The following DZIP1L variants were observed in gnomAD, a reference collection of about 807,000 sequenced individuals.
The protein encoded by DZIP1L is DAZ interacting zinc finger protein 1 like, also known as cilium assembly protein DZIP1L.
In DZIP1L, 90 loss-of-function variants were observed where a neutral mutation model predicts 88.7. The ratio of observed to expected loss-of-function variants is 1.02; its 90% confidence interval spans 0.86 to 1.21. The LOEUF (loss-of-function observed/expected upper bound fraction) is 1.21. DZIP1L is among the 50% of genes most tolerant of loss of function. The pLI, the probability that DZIP1L is intolerant of heterozygous loss-of-function variation, is 0.00. For missense variants in DZIP1L, 932 were observed against 955.8 expected (o/e 0.98, Z 0.33); for synonymous variants, 363 against 372.1 (o/e 0.98, Z 0.28).
At chr3:138,076,159 G>C (rs1943397834) in intron 11 of DZIP1L, among the ~76,000 whole-genome samples, 1 of 152,034 alleles carries the variant, frequency 6.6e-6, no homozygotes, top group Non-Finnish European at 1.5e-5. Flanking sequence ...CCCAGAGTGG[G>C]GATGGTCAGC....
chr3:138,065,266 T>C (rs1942844602), intron 14 of DZIP1L, among the ~76,000 whole-genome samples: 1 of 152,150 alleles, frequency 6.6e-6, no homozygotes, highest in Non-Finnish European at 1.5e-5. Context: ...ACCAAGGTAA[T>C]GTATGAACCT....
At chr3:138,103,449 C>G (rs747069206) in intron 2 of DZIP1L, 22 bp downstream of exon 2, 6 of 1,577,570 alleles carry the variant, frequency 3.8e-6, no homozygotes, top group Non-Finnish European at 5.2e-6. Context: ...CCCACTCTCC[C>G]TGCCTGGTGG....
chr3:138,109,908 A>G (rs1559868001), intron 1 of DZIP1L, among the ~76,000 whole-genome samples: 1 of 152,202 alleles, frequency 6.6e-6, no homozygotes. Context: ...GAGTTGAACA[A>G]TGAGAACACA....
At chr3:138,095,678 A>G (rs921942515) in intron 3 of DZIP1L, among the ~76,000 whole-genome samples, 6 of 152,140 alleles carry the variant, frequency 3.9e-5, no homozygotes, top group Admixed American at 1.3e-4. Context: ...GCTACTCAGG[A>G]GGCTGAGGCA....
At chr3:138,088,100 G>A (rs2107796025) in intron 6 of DZIP1L, among the ~76,000 whole-genome samples, 1 of 152,322 alleles carries the variant, frequency 6.6e-6, no homozygotes, top group East Asian at 1.9e-4. Context: ...TCTAAGAGTT[G>A]CTTCCAACTG....
At chr3:138,097,374 T>C (rs1046666003) in intron 3 of DZIP1L, among the ~76,000 whole-genome samples, 1 of 152,154 alleles carries the variant, frequency 6.6e-6, no homozygotes, top group African/African-American at 2.4e-5. Flanking sequence ...TTTAGGCTTA[T>C]TCGTGGCTGG....
chr3:138,108,174 G>A, intron 1 of DZIP1L: 1 of 984,788 alleles, frequency 1.0e-6, no homozygotes, highest in Admixed American at 6.1e-5. Context: ...GAGTAGAGAT[G>A]GGTGACATGA....
intron 13 of DZIP1L, 122 bp from the exon 14 acceptor site, chr3:138,067,822 G>A: frequency 8.4e-7 from 1 of 1,184,964 alleles, no homozygotes; most frequent in Non-Finnish European, 1.1e-6. Context: ...CCCTCCCTCA[G>A]GCCCAGAAGA....
chr3:138,106,177 C>T (rs1408528546), intron 1 of DZIP1L, among the ~76,000 whole-genome samples: 1 of 120,902 alleles, frequency 8.3e-6, no homozygotes, highest in East Asian at 2.6e-4. Context: ...CTCGCACTGT[C>T]GCCCAGGCTG....
At chr3:138,064,574 A>T (rs1255340739) in intron 15 of DZIP1L, 54 bp downstream of exon 15, 1 of 1,613,758 alleles carries the variant, frequency 6.2e-7, no homozygotes, top group African/African-American at 1.3e-5. Flanking sequence ...CCCCAAACTC[A>T]GAGCTGGTTC....
intron 11 of DZIP1L, among the ~76,000 whole-genome samples, chr3:138,076,374 G>A (rs1943406646): frequency 6.6e-6 from 1 of 152,144 alleles, no homozygotes; most frequent in African/African-American, 2.4e-5. Flanking sequence ...GAGCTAAAAG[G>A]AGATCTACCA....
intron 14 of DZIP1L, among the ~76,000 whole-genome samples, chr3:138,066,359 C>G (rs1942900052): frequency 1.3e-5 from 2 of 152,130 alleles, no homozygotes; most frequent in Admixed American, 6.5e-5. Flanking sequence ...TGCTAATGAA[C>G]TCAAACAGCA....
chr3:138,066,654 C>T (rs1358537963), intron 14 of DZIP1L, among the ~76,000 whole-genome samples: 2 of 152,036 alleles, frequency 1.3e-5, no homozygotes, highest in African/African-American at 4.8e-5. Flanking sequence ...GAGATCCACA[C>T]AGAGCTGAGC....
intron 1 of DZIP1L, chr3:138,113,598 C>T (rs1345453809): frequency 6.6e-6 from 1 of 152,238 alleles, no homozygotes; most frequent in Non-Finnish European, 1.5e-5. Flanking sequence ...AGGCTATGCA[C>T]ACACAGTATG....
intron 11 of DZIP1L, among the ~76,000 whole-genome samples, chr3:138,072,821 T>G (rs1260760285): frequency 6.6e-6 from 1 of 152,130 alleles, no homozygotes; most frequent in African/African-American, 2.4e-5. Flanking sequence ...CTCCTGTTGG[T>G]GGGGCACAGT....
intron 3 of DZIP1L, 21 bp downstream of exon 3, chr3:138,097,742 C>CACTG (rs760492807): frequency 5.5e-5 from 88 of 1,598,270 alleles, no homozygotes; most frequent in Non-Finnish European, 7.4e-5. Context: ...AGAAGGGGCC[C>CACTG]GGGCTGCTGT....
At chr3:138,066,121 C>T (rs1180313472) in intron 14 of DZIP1L, among the ~76,000 whole-genome samples, 1 of 152,232 alleles carries the variant, frequency 6.6e-6, no homozygotes, top group Non-Finnish European at 1.5e-5. Context: ...TAAAGGTTGA[C>T]TGTGGCTGCC....
At chr3:138,070,094 GC>G (rs1943107241) in intron 12 of DZIP1L, among the ~76,000 whole-genome samples, 2 of 152,146 alleles carry the variant, frequency 1.3e-5, no homozygotes, top group Admixed American at 1.3e-4. Context: ...TCTCTTGGAA[GC>G]CAGCATTCCG....
intron 8 of DZIP1L, among the ~76,000 whole-genome samples, chr3:138,082,540 A>G (rs1013712072): frequency 1.3e-5 from 2 of 152,322 alleles, no homozygotes; most frequent in Middle Eastern, 3.4e-3. Flanking sequence ...TGATGACCAC[A>G]TTCATGTCTC....
Sources: gnomAD v4.1 joint callset for allele counts (sites outside exome capture counted in the v4.1 genomes callset) on GRCh38, gnomAD v4.1.1 for gene constraint, MANE v1.5 for transcripts, NCBI Gene and HGNC (gene_info 2026-07-23, HGNC 2026-07-21) for gene names.